Variants in PGAP2 observed in about 807,000 individuals in gnomAD.
PGAP2 encodes the protein acyltransferase PGAP2.
In PGAP2, 21 loss-of-function variants were observed where a neutral mutation model predicts 33.2. That is an observed-to-expected ratio of 0.63 (90% CI 0.45 to 0.91). The LOEUF is 0.91. Ranked by LOEUF, PGAP2 falls within the 40% of genes least tolerant of loss-of-function variation. PGAP2 has a pLI of 0.00. For missense variants in PGAP2, 345 were observed against 424.0 expected, an observed-to-expected ratio of 0.81 and a Z score of 1.64; for synonymous variants, 161 against 172.9, an observed-to-expected ratio of 0.93 and a Z score of 0.54.
At chr11:3,823,020 T>TTTTA in intron 3 of PGAP2, 1 of 835,496 alleles carries the variant, frequency 1.2e-6, no homozygotes, top group Non-Finnish European at 1.8e-6. Context: ...TTCTTTTTTC[T>TTTTA]TTTCTTTTTT....
chr11:3,800,743 C>G (rs1410195621), intron 1 of PGAP2, among the ~76,000 whole-genome samples: 1 of 140,656 alleles, frequency 7.1e-6, no homozygotes. Flanking sequence ...ACCTGGGAGG[C>G]GGAGGTTGCA....
At chr11:3,805,409 G>A (rs1478852173), upstream of PGAP2, among the ~76,000 whole-genome samples, 1 of 151,450 alleles carries the variant, frequency 6.6e-6, no homozygotes, top group Non-Finnish European at 1.5e-5. Context: ...ATACAAGTGT[G>A]TGCCACCACA....
In PGAP2 at chr11:3,823,042, T is replaced by C. The variant is rs780941844; in HGVS notation, c.349-841T>C. On this transcript the variant is annotated intron_variant, in intron 3 of 6. Coordinates refer to ENST00000278243, the MANE Select transcript of PGAP2 (RefSeq NM_014489.4). ...TTCTTTTCTTTTTTTTTTTTTTTTTTTTTTTTTTTTTTGAGACAGAGTCTC... is the reference window on the plus strand; with the variant it reads ...TTCTTTTCTTTTTTTTTTTTTTTTTCTTTTTTTTTTTTGAGACAGAGTCTC... 104 of 635,456 alleles carry C rather than the reference T, an allele frequency of 1.6e-4. 2 individuals are homozygous for C. Among genetic ancestry groups the C allele is most frequent in the Admixed American group, 1.2e-4 (3 of 24,924 alleles). The allele number at this position is 635,456 out of a possible 1,614,324, so 39.4% of individuals were successfully genotyped here. A position where few individuals can be genotyped will look rare whatever the true frequency, so the allele number is the denominator to read the frequency against.
intron 3 of PGAP2, among the ~76,000 whole-genome samples, chr11:3,821,273 T>C (rs1283495169): frequency 2.0e-5 from 3 of 152,208 alleles, no homozygotes; most frequent in African/African-American, 4.8e-5. Flanking sequence ...TGGCATCTCA[T>C]TGAAAGAAAG....
rs2089892400 is a variant in PGAP2, at chr11:3,825,588, G to T, written c.*130G>T. The T allele has an allele frequency of 4.9e-6, 5 of 1,025,164 alleles. No homozygotes were observed. The highest frequency in any genetic ancestry group is 7.1e-6 in the Non-Finnish European group (5 of 707,288). 63.5% of individuals were successfully genotyped at this position (1,025,164 alleles called of 1,614,324 possible). A position where few individuals can be genotyped will look rare whatever the true frequency, so the allele number is the denominator to read the frequency against. Reference sequence around the variant, plus strand: ...GATGGGGGAAGGGTAAGAAGGAAGGGTGTAGGCCAAGGCTCACCCCAGTGC... The same window carrying T: ...GATGGGGGAAGGGTAAGAAGGAAGGTTGTAGGCCAAGGCTCACCCCAGTGC... On this transcript the variant is annotated 3_prime_UTR_variant, in exon 7 of 7. Coordinates refer to ENST00000278243, the MANE Select transcript of PGAP2 (RefSeq NM_014489.4).
chr11:3,798,997 T>G (rs2083053933), intron 1 of PGAP2, among the ~76,000 whole-genome samples: 1 of 152,250 alleles, frequency 6.6e-6, no homozygotes, highest in South Asian at 2.1e-4. Flanking sequence ...ATCTTCTCAG[T>G]GATACATTTG....
At chr11:3,817,926 G>C (rs1213557163) in intron 3 of PGAP2, 2 of 449,214 alleles carry the variant, frequency 4.5e-6, no homozygotes, top group East Asian at 1.4e-4. Context: ...TGCCCCTGTA[G>C]TCCCAGCTAC....
upstream of PGAP2, among the ~76,000 whole-genome samples, chr11:3,805,202 C>T (rs758985443): frequency 9.9e-5 from 15 of 151,802 alleles, no homozygotes; most frequent in Non-Finnish European, 2.2e-4. Flanking sequence ...GTACCTCCCA[C>T]ATGGCTGGCA....
intron 2 of PGAP2, among the ~76,000 whole-genome samples, chr11:3,812,779 TCTTTA>T (rs2085870878): frequency 6.6e-6 from 1 of 152,138 alleles, no homozygotes; most frequent in South Asian, 2.1e-4. Context: ...GAGCCCCACT[TCTTTA>T]CTTCATGTGA....
At chr11:3,799,159 T>C (rs993392262) in intron 1 of PGAP2, among the ~76,000 whole-genome samples, 3 of 152,210 alleles carry the variant, frequency 2.0e-5, no homozygotes, top group African/African-American at 7.2e-5. Flanking sequence ...AAAACTGATA[T>C]TACAAGAGTG....
chr11:3,813,287 C>T (rs1265460770), intron 2 of PGAP2, among the ~76,000 whole-genome samples: 2 of 152,190 alleles, frequency 1.3e-5, no homozygotes, highest in Admixed American at 1.3e-4. Flanking sequence ...ATGATCATAG[C>T]TCACTGCAGC....
upstream of PGAP2, among the ~76,000 whole-genome samples, chr11:3,803,626 C>T (rs1389340394): frequency 1.3e-5 from 2 of 151,916 alleles, no homozygotes; most frequent in Non-Finnish European, 2.9e-5. Context: ...TGAGGTTTCA[C>T]CATGTGGGCC....
intron 1 of PGAP2, among the ~76,000 whole-genome samples, chr11:3,799,247 A>G (rs2083095798): frequency 6.6e-6 from 1 of 152,174 alleles, no homozygotes. Context: ...CAGAAAGCAA[A>G]GCGTATACTG....
upstream of PGAP2, chr11:3,797,809 G>C: frequency 1.9e-6 from 3 of 1,546,362 alleles, no homozygotes; most frequent in South Asian, 2.4e-5. Context: ...AGCGTGTCGT[G>C]ACGTCACACA....
chr11:3,817,557 C>T, intron 3 of PGAP2, 22 bp downstream of exon 3: 1 of 1,609,276 alleles, frequency 6.2e-7, no homozygotes, highest in Non-Finnish European at 8.5e-7. Context: ...CTCCCCAGCC[C>T]CTGGGTCAGG....
intron 1 of PGAP2, among the ~76,000 whole-genome samples, 177 bp downstream of exon 1, chr11:3,808,828 C>A (rs992886876): frequency 1.2e-4 from 19 of 152,340 alleles, no homozygotes; most frequent in Admixed American, 6.5e-4. Flanking sequence ...GAGCTGGCCC[C>A]CTTCTTCTCC....
At chr11:3,798,125 C>A in intron 1 of PGAP2, 1 of 1,456,184 alleles carries the variant, frequency 6.9e-7, no homozygotes, top group Non-Finnish European at 9.0e-7. Context: ...AGAGTTTGCC[C>A]GAGGCTTCTT....
intron 1 of PGAP2, among the ~76,000 whole-genome samples, chr11:3,799,250 G>A (rs867458395): frequency 6.6e-6 from 1 of 152,150 alleles, no homozygotes; most frequent in Non-Finnish European, 1.5e-5. Flanking sequence ...AAAGCAAAGC[G>A]TATACTGGCC....
intron 2 of PGAP2, among the ~76,000 whole-genome samples, chr11:3,814,798 TTCTTTCTTTCTTTCTC>T (rs2086532000): frequency 8.7e-6 from 1 of 114,340 alleles, no homozygotes; most frequent in Non-Finnish European, 2.0e-5. Flanking sequence ...CTTTCTTTCT[TTCTTTCTTTCTTTCTC>T]TTTCTTTCTT....
Sources: allele counts gnomAD v4.1 joint callset (sites outside exome capture counted in the v4.1 genomes callset), GRCh38; gene constraint gnomAD v4.1.1; transcripts MANE v1.5; gene names NCBI Gene and HGNC (gene_info 2026-07-23, HGNC 2026-07-21).